NAV3: variants seen among roughly 807,000 people sequenced by gnomAD.
NAV3 encodes the protein pore membrane and/or filament interacting like protein 1.
Under a neutral mutation model 244.7 loss-of-function variants are expected in NAV3, and 87 were observed. The observed-to-expected ratio is 0.36, with a 90% CI of 0.30 to 0.42. NAV3 has a LOEUF of 0.42. NAV3 is among the 20% of genes least tolerant of loss of function. The probability of loss-of-function intolerance (pLI) is 1.00; values close to 1 mark genes in which losing one functional copy is unlikely to be tolerated. For synonymous variants in NAV3, 1,126 were observed against 1,042.2 expected (o/e 1.08, Z -1.55); for missense variants, 2,663 against 2,893.3 (o/e 0.92, Z 1.83).
chr12:77,958,939 C>A (rs149864019), intron 3 of NAV3, among the ~76,000 whole-genome samples: 404 of 152,158 alleles, frequency 2.7e-3, no homozygotes, highest in African/African-American at 9.3e-3. Context: ...AATGTGGTGT[C>A]CGTTGAAATC....
intron 2 of NAV3, among the ~76,000 whole-genome samples, chr12:77,807,301 C>G (rs548040997): frequency 2.0e-5 from 3 of 152,172 alleles, no homozygotes; most frequent in African/African-American, 7.2e-5. Context: ...TATGTTTTTG[C>G]AGTGGCTGGT....
chr12:77,579,359 T>G (rs1306390091), intron 2 of NAV3, among the ~76,000 whole-genome samples: 2 of 152,224 alleles, frequency 1.3e-5, no homozygotes, highest in Non-Finnish European at 2.9e-5. Context: ...CTTACTTCAT[T>G]TTGTGCTGCA....
At chr12:78,052,638 GGTT>G in intron 11 of NAV3, among the ~76,000 whole-genome samples, 1 of 152,008 alleles carries the variant, frequency 6.6e-6, no homozygotes, top group East Asian at 1.9e-4. Context: ...ACCAATTTTT[GGTT>G]GTTGTTAGTT....
intron 11 of NAV3, 39 bp downstream of exon 11, chr12:78,051,186 G>A (rs2137266727): frequency 3.2e-6 from 5 of 1,569,734 alleles, no homozygotes; most frequent in Non-Finnish European, 4.3e-6. Context: ...GTGTGAAGAG[G>A]GGAGGTGGTC....
At chr12:77,869,034 AAAAC>A (rs368022962) in intron 1 of NAV3, among the ~76,000 whole-genome samples, 19,918 of 151,136 alleles carry the variant, frequency 0.13, 1,462 homozygotes, top group African/African-American at 0.19. Flanking sequence ...ATCGAGGTAA[AAAAC>A]AAACAAACAA....
In NAV3 at chr12:78,188,647, T is replaced by C. The variant is rs1268218161; in HGVS notation, c.5925T>C (p.Gly1975=). ...VFRIDTSTSL[G]LSSDCIASYC... ...GAATTGATACATCCACTAGCCTTGG[T>C]CTGAGCTCTGACTGCATTGCTAGCT... The change falls in exon 33 of 40, where the codon GGT becomes GGC. Residue 1975 remains glycine (G), a synonymous_variant. Transcript: ENST00000397909. 1 of 1,612,132 alleles carries C rather than the reference T, an allele frequency of 6.2e-7. No individual in the cohort carries two copies. The highest frequency in any genetic ancestry group is 8.5e-7 in the Non-Finnish European group (1 of 1,178,854).
intron 2 of NAV3, among the ~76,000 whole-genome samples, chr12:77,629,175 T>A (rs1377867079): frequency 6.6e-6 from 1 of 152,228 alleles, no homozygotes; most frequent in East Asian, 1.9e-4. Context: ...GAGAGTTGAT[T>A]TATTTTTAAG....
chr12:77,850,523 C>T (rs1208562970), intron 1 of NAV3, among the ~76,000 whole-genome samples: 32 of 152,194 alleles, frequency 2.1e-4, no homozygotes. Context: ...AATCTCCTTT[C>T]CTGCTGCTGG....
At chr12:77,959,864 C>T (rs1407611069) in intron 3 of NAV3, among the ~76,000 whole-genome samples, 2 of 125,202 alleles carry the variant, frequency 1.6e-5, no homozygotes, top group Non-Finnish European at 3.2e-5. Flanking sequence ...TTTCTATTCT[C>T]ATCAACATCT....
intron 1 of NAV3, among the ~76,000 whole-genome samples, chr12:77,897,690 C>CTT (rs111953211): frequency 2.8e-5 from 4 of 143,166 alleles, no homozygotes; most frequent in African/African-American, 1.0e-4. Context: ...CCTATTTTGT[C>CTT]TTTTTTTTTT....
chr12:77,746,065 A>G (rs1868526336), intron 2 of NAV3, among the ~76,000 whole-genome samples: 1 of 151,818 alleles, frequency 6.6e-6, no homozygotes, highest in South Asian at 2.1e-4. Context: ...CACAGTCAGC[A>G]AGCTGATAAT....
intron 1 of NAV3, among the ~76,000 whole-genome samples, chr12:77,920,740 C>T (rs1020859044): frequency 6.6e-6 from 1 of 151,820 alleles, no homozygotes; most frequent in East Asian, 1.9e-4. Flanking sequence ...AAATGTTAAC[C>T]AGCAATGTTT....
At chr12:77,651,769 A>G (rs1008481054) in intron 2 of NAV3, among the ~76,000 whole-genome samples, 1 of 152,246 alleles carries the variant, frequency 6.6e-6, no homozygotes, top group Non-Finnish European at 1.5e-5. Flanking sequence ...ATGTCATTAA[A>G]TTGGTAACTC....
chr12:77,762,383 A>G (rs992725230), intron 2 of NAV3, among the ~76,000 whole-genome samples: 1 of 152,122 alleles, frequency 6.6e-6, no homozygotes, highest in African/African-American at 2.4e-5. Context: ...CCTATGTAAC[A>G]AACCTGCACA....
intron 2 of NAV3, among the ~76,000 whole-genome samples, chr12:77,580,671 T>C (rs926496277): frequency 6.6e-6 from 1 of 152,124 alleles, no homozygotes; most frequent in Non-Finnish European, 1.5e-5. Flanking sequence ...AATATTAGAG[T>C]TTTGTTTCTA....
At chr12:77,897,948 A>G (rs1219219278) in intron 1 of NAV3, among the ~76,000 whole-genome samples, 3 of 151,898 alleles carry the variant, frequency 2.0e-5, no homozygotes, top group African/African-American at 7.2e-5. Context: ...TCCCAGCTAA[A>G]CTCACGCTGG....
chr12:78,146,594 C>A (rs1281280807), intron 21 of NAV3, among the ~76,000 whole-genome samples: 1 of 152,054 alleles, frequency 6.6e-6, no homozygotes, highest in South Asian at 2.1e-4. Flanking sequence ...AGCAAGCTGT[C>A]CTTTCACATT....
At chr12:77,806,241 C>A (rs553907788) in intron 2 of NAV3, among the ~76,000 whole-genome samples, 6 of 152,246 alleles carry the variant, frequency 3.9e-5, no homozygotes, top group East Asian at 3.9e-4. Flanking sequence ...TTCTCTAGTT[C>A]TTTTAATTGT....
intron 1 of NAV3, among the ~76,000 whole-genome samples, chr12:77,937,452 A>C (rs1176778360): frequency 6.6e-6 from 1 of 152,222 alleles, no homozygotes; most frequent in Non-Finnish European, 1.5e-5. Flanking sequence ...GGAGAATGAA[A>C]GTATTCTTAT....
Sources: allele counts gnomAD v4.1 joint callset (sites outside exome capture counted in the v4.1 genomes callset), GRCh38; gene constraint gnomAD v4.1.1; transcripts MANE v1.5; gene names NCBI Gene and HGNC (gene_info 2026-07-23, HGNC 2026-07-21).